Variants in WARS1 observed in about 807,000 individuals in gnomAD.
The protein encoded by WARS1 is tryptophanyl-tRNA synthetase 1, also known as tryptophan--tRNA ligase, cytoplasmic.
WARS1 carries 17 observed loss-of-function variants against 47.8 expected under a neutral mutation model. That is an observed-to-expected ratio of 0.36 (90% confidence interval 0.24 to 0.53). WARS1 has a LOEUF of 0.53. Ranked by LOEUF, WARS1 falls within the 20% of genes least tolerant of loss-of-function variation. WARS1 has a pLI of 0.91. For missense variants in WARS1, 434 were observed against 608.0 expected (o/e 0.71, Z 3.01); for synonymous variants, 208 against 228.1 (o/e 0.91, Z 0.79).
At position 100,343,174 on chromosome 14, in the gene WARS1, G is replaced by T. The variant is rs1169169845; in HGVS notation, c.939+101C>A. The T allele has an allele frequency of 1.1e-5, 11 of 1,004,552 alleles. No individual in the cohort carries two copies. The South Asian group carries it at 1.6e-4, about 14-fold the overall frequency. 62.2% of individuals were successfully genotyped at this position (1,004,552 alleles called of 1,614,324 possible). A position where few individuals can be genotyped will look rare whatever the true frequency, so the allele number is the denominator to read the frequency against. ...TTACAGGCGTGAGCCACCCTGCCTG[G>T]CTGCCCATCATATCTTTCAATACCT... is the stretch of plus-strand genomic sequence containing the variant. On this transcript the variant is annotated intron_variant, in intron 8 of 10. Transcript: ENST00000392882.
intron 2 of WARS1, among the ~76,000 whole-genome samples, chr14:100,365,162 C>CACACACACAA (rs1555383169): frequency 3.3e-5 from 5 of 150,952 alleles, no homozygotes; most frequent in African/African-American, 1.2e-4. Context: ...CACACACACA[C>CACACACACAA]AAATAATGAT....
intron 4 of WARS1, among the ~76,000 whole-genome samples, chr14:100,358,984 A>G (rs1895495315): frequency 1.3e-5 from 2 of 152,232 alleles, no homozygotes; most frequent in Admixed American, 1.3e-4. Flanking sequence ...CACACCTATT[A>G]GGATGGCTAT....
In WARS1 at chr14:100,346,815, T is replaced by C. The variant is rs201895343; in HGVS notation, c.757A>G (p.Lys253Glu). The C allele has an allele frequency of 6.2e-7, 1 of 1,614,024 alleles. No homozygotes were observed. Among genetic ancestry groups the C allele is most frequent in the East Asian group, 2.2e-5 (1 of 44,876 alleles). The change falls in exon 7 of 11, where the codon AAG becomes GAG. Residue 253 changes from lysine (K) to glutamate (E), a missense_variant. This residue lies in a region of WARS1 where 347 missense variants were observed against 523.8 expected (regional missense o/e 0.66). Transcript: ENST00000392882. ...MSSGFYKNVV[K>E]IQKHVTFNQV... The stretch of plus-strand genomic sequence containing the variant: ...TTGAAGGTAACATGCTTTTGAATCT[T>C]CACCACATTTTTGTAGAAACCTGAG...
In WARS1 at chr14:100,355,881, G is replaced by A. The variant is rs78134468; in HGVS notation, c.423-1315C>T. ...TTTGGAAGGAAAGAATCCTTCTTTG[G>A]TTCTCACAACTAACCATATGGGCTT... On this transcript the variant is annotated intron_variant, in intron 4 of 10. Coordinates refer to ENST00000392882, the MANE Select transcript of WARS1 (RefSeq NM_004184.4). Among the ~76,000 whole-genome samples, 928 of 152,176 alleles carry A rather than the reference G, an allele frequency of 6.1e-3. 7 individuals are homozygous for A. The highest frequency in any genetic ancestry group is 0.01 in the Middle Eastern group (3 of 294).
chr14:100,354,041 T>C (rs1015385210), intron 5 of WARS1, 172 bp from the exon 6 acceptor site: 3 of 629,772 alleles, frequency 4.8e-6, no homozygotes, highest in Non-Finnish European at 2.7e-6. Context: ...TAAGGTCTAC[T>C]ACCATTTATC....
At chr14:100,335,383 A>ATT (rs60877531) in intron 10 of WARS1, among the ~76,000 whole-genome samples, 31 of 147,100 alleles carry the variant, frequency 2.1e-4, no homozygotes, top group Non-Finnish European at 3.0e-4. Context: ...AATCTTGCTA[A>ATT]TTTTTTTTTT....
intron 9 of WARS1, 63 bp downstream of exon 9, chr14:100,342,329 TGTGTGC>T (rs1595411764): frequency 6.3e-7 from 1 of 1,592,732 alleles, no homozygotes; most frequent in Non-Finnish European, 8.6e-7. Context: ...CAGTGGTGTG[TGTGTGC>T]GTGTGCCCCC....
chr14:100,365,810 C>A, intron 2 of WARS1: 2 of 239,108 alleles, frequency 8.4e-6, no homozygotes, highest in Non-Finnish European at 1.7e-5. Flanking sequence ...GTTTCAGAAG[C>A]CAGAAAGCTG....
chr14:100,375,762 C>A (rs1896621981), upstream of WARS1: 1 of 152,290 alleles, frequency 6.6e-6, no homozygotes, highest in South Asian at 2.1e-4. Flanking sequence ...CGAGGCGGCA[C>A]AGTGCAGTGG....
chr14:100,367,012 A>G (rs985248355), intron 2 of WARS1: 5 of 963,142 alleles, frequency 5.2e-6, no homozygotes, highest in East Asian at 5.1e-5. Flanking sequence ...TGTCCCTTAC[A>G]GAATATTAGT....
At chr14:100,369,825 A>G (rs185934338) in intron 1 of WARS1, among the ~76,000 whole-genome samples, 97 of 151,918 alleles carry the variant, frequency 6.4e-4, no homozygotes, top group Non-Finnish European at 1.0e-3. Context: ...CACCATGCCC[A>G]GCGAATTTTT....
chr14:100,370,983 A>C (rs1287134255), intron 1 of WARS1, among the ~76,000 whole-genome samples: 2 of 152,174 alleles, frequency 1.3e-5, no homozygotes, highest in African/African-American at 4.8e-5. Context: ...GCCCATGTTA[A>C]CATCACAAGG....
intron 7 of WARS1, among the ~76,000 whole-genome samples, chr14:100,345,077 G>A (rs1162985419): frequency 6.8e-6 from 1 of 146,294 alleles, no homozygotes; most frequent in Non-Finnish European, 1.5e-5. Context: ...CCGGCCAGCC[G>A]CCCCGTCCGG....
chr14:100,336,004 C>A (rs926230235), intron 10 of WARS1, among the ~76,000 whole-genome samples: 2 of 151,452 alleles, frequency 1.3e-5, no homozygotes, highest in African/African-American at 2.4e-5. Flanking sequence ...TGGCTGGACG[C>A]GGTGGTCACA....
chr14:100,350,711 G>C (rs892869468), intron 6 of WARS1, among the ~76,000 whole-genome samples: 1 of 152,190 alleles, frequency 6.6e-6, no homozygotes, highest in Non-Finnish European at 1.5e-5. Flanking sequence ...GTGGGGCCCA[G>C]GAGGGGATGG....
chr14:100,336,828 G>A, intron 10 of WARS1: 1 of 478,470 alleles, frequency 2.1e-6, no homozygotes, highest in Non-Finnish European at 3.7e-6. Context: ...AAGCAAGACT[G>A]TTTTGGGTGG....
At chr14:100,346,930 A>G (rs916246543) in intron 6 of WARS1, 84 bp from the exon 7 acceptor site, 5 of 1,226,546 alleles carry the variant, frequency 4.1e-6, no homozygotes, top group Admixed American at 1.8e-5. Context: ...TTGGATGCCA[A>G]TGAGTAGTGG....
chr14:100,354,371 A>G (rs1895180509), intron 5 of WARS1, 76 bp downstream of exon 5: 1 of 1,552,380 alleles, frequency 6.4e-7, no homozygotes, highest in East Asian at 2.3e-5. Flanking sequence ...TGATCTTGTC[A>G]GTTCTAAACA....
At position 100,369,123 on chromosome 14, in the gene WARS1, C is replaced by T. The variant is rs1328834883; in HGVS notation, c.63G>A (p.Glu21=). The change falls in exon 2 of 11, where the codon GAG becomes GAA. Residue 21 remains glutamate, a synonymous_variant. Coordinates refer to ENST00000392882, the MANE Select transcript of WARS1 (RefSeq NM_004184.4). ...ELFNSIATQG[E]LVRSLKAGNA... is the part of the protein sequence containing the mutation. ...TTCCCGCTTTGAGGGACCTTACGAG[C>T]TCCCCTTGTGTGGCGATGCTGTTGA... The T allele has an allele frequency of 1.3e-6, 2 of 1,571,704 alleles. No homozygotes were observed.
Sources: allele counts gnomAD v4.1 joint callset (sites outside exome capture counted in the v4.1 genomes callset), GRCh38; gene constraint gnomAD v4.1.1; regional missense constraint gnomAD v4.1.1; transcripts MANE v1.5; gene names NCBI Gene and HGNC (gene_info 2026-07-23, HGNC 2026-07-21).